HIRA: variants seen among roughly 807,000 people sequenced by gnomAD.
HIRA encodes the protein protein HIRA.
Under a neutral mutation model 126.6 loss-of-function variants are expected in HIRA, and 13 were observed. The observed-to-expected ratio is 0.10, with a 90% CI of 0.07 to 0.16. The LOEUF (loss-of-function observed/expected upper bound fraction) is 0.16, where lower values mean the gene tolerates loss of function less well. Ranked by LOEUF, HIRA falls within the 10% of genes least tolerant of loss-of-function variation. The pLI is 1.00. For synonymous variants in HIRA, 511 were observed against 520.0 expected (o/e 0.98, Z 0.24); for missense variants, 834 against 1,314.4 (o/e 0.63, Z 5.65).
intron 16 of HIRA, 50 bp downstream of exon 16, chr22:19,361,677 A>C: frequency 6.4e-7 from 1 of 1,571,956 alleles, no homozygotes; most frequent in African/African-American, 1.3e-5. Context: ...TTCAAGCTCT[A>C]AGTACAGAAA....
Position 19,431,687 on chromosome 22 carries a change from C to G in HIRA, c.-211G>C. On this transcript the variant is annotated 5_prime_UTR_variant, in exon 1 of 25. Coordinates refer to ENST00000263208, the MANE Select transcript of HIRA (RefSeq NM_003325.4). Reference sequence around the variant, plus strand: ...CGCTCGGCCGCCGCCGCCGCCACCACAGCCGCATCCCCTGCGCCGCTCCTC... The same window carrying G: ...CGCTCGGCCGCCGCCGCCGCCACCAGAGCCGCATCCCCTGCGCCGCTCCTC... 2.5e-6 allele frequency: 1 copy of G among 395,210 alleles called. No individual in the cohort carries two copies. Among genetic ancestry groups the G allele is most frequent in the East Asian group, 4.9e-5 (1 of 20,460 alleles). 24.5% of individuals were successfully genotyped at this position (395,210 alleles called of 1,614,324 possible). A position where few individuals can be genotyped will look rare whatever the true frequency, so the allele number is the denominator to read the frequency against.
intron 1 of HIRA, among the ~76,000 whole-genome samples, chr22:19,415,402 C>G (rs1012092949): frequency 4.6e-5 from 7 of 152,218 alleles, no homozygotes; most frequent in African/African-American, 1.7e-4. Context: ...TACACTGAAA[C>G]TATAAAATAT....
Position 19,361,748 on chromosome 22 carries a change from C to G in HIRA, c.1959G>C (p.Met653Ile). 2 of 1,612,566 alleles carry G rather than the reference C, an allele frequency of 1.2e-6. No individual in the cohort carries two copies. The stretch of plus-strand genomic sequence containing the variant: ...TCACCTGGACAGACAGAGACACAGG[C>G]ATGAGACGAGAGTCCTTCCGAGGCC... ...KGRPRKDSRL[M>I]PVSLSVQSPA... is the part of the protein sequence containing the mutation. The change falls in exon 16 of 25, where the codon ATG (methionine) becomes ATC (isoleucine). Residue 653 changes from methionine (M) to isoleucine (I), a missense_variant. Transcript: ENST00000263208.
In HIRA at chr22:19,351,006, C is replaced by T. The variant is rs906110194; in HGVS notation, c.2937+352G>A. 9.8e-5 allele frequency: 34 copies of T among 347,514 alleles called. No homozygotes were observed. In the Middle Eastern group the frequency reaches 4.5e-3, roughly 46 times the overall value. The allele number at this position is 347,514 out of a possible 1,614,324, so 21.5% of individuals were successfully genotyped here. ...ATCTAGTCTGAAAATATTTTGTTGA[C>T]CTAACTGCCTCCCTGTTTATGTGTG... On this transcript the variant is annotated intron_variant, in intron 24 of 24. Coordinates refer to ENST00000263208, the MANE Select transcript of HIRA (RefSeq NM_003325.4). This position sits in a 1 kb window ranked among gnomAD's most constrained non-coding sequence, Gnocchi z 4.8.
chr22:19,423,791 T>C (rs2089468277), intron 1 of HIRA, among the ~76,000 whole-genome samples: 1 of 152,176 alleles, frequency 6.6e-6, no homozygotes, highest in Admixed American at 6.5e-5. Context: ...CTAAATGGGT[T>C]TTCTTTTTGC....
At chr22:19,380,635 C>T (rs1037797479) in intron 13 of HIRA, among the ~76,000 whole-genome samples, 2 of 151,914 alleles carry the variant, frequency 1.3e-5, no homozygotes, top group African/African-American at 4.8e-5. Context: ...TTATTTGATA[C>T]AAAGTCTCAC....
At chr22:19,417,223 A>AAAGAT (rs1313190876) in intron 1 of HIRA, among the ~76,000 whole-genome samples, 1 of 151,164 alleles carries the variant, frequency 6.6e-6, no homozygotes, top group African/African-American at 2.5e-5. Flanking sequence ...AAAGAAAAGA[A>AAAGAT]AAGATACACA....
intron 15 of HIRA, among the ~76,000 whole-genome samples, chr22:19,369,124 C>T (rs895932622): frequency 5.9e-5 from 9 of 152,192 alleles, no homozygotes; most frequent in Non-Finnish European, 2.9e-5. Flanking sequence ...AAATGGGCTC[C>T]ATCCTAGGTT....
chr22:19,381,475 TAACTGAGTTTTAA>T (rs1160139780), intron 13 of HIRA, among the ~76,000 whole-genome samples: 9 of 152,374 alleles, frequency 5.9e-5, no homozygotes, highest in African/African-American at 2.2e-4. Context: ...TATTCCCATT[TAACTGAGTTTTAA>T]AACAACGTTG....
rs117465413 is a variant in HIRA, at chr22:19,419,902, T to A, written c.38-9124A>T. On this transcript the variant is annotated intron_variant, in intron 1 of 24. Coordinates refer to ENST00000263208, the MANE Select transcript of HIRA (RefSeq NM_003325.4). ...GCTGGTTCACAGCCATCTGCTGCTG[T>A]TATCTCTACCACTTTCGACCACAAA... Among the ~76,000 whole-genome samples the A allele has an allele frequency of 5.9e-5, 9 of 152,350 alleles. No homozygotes were observed. The East Asian group carries it at 1.7e-3, about 29-fold the overall frequency.
chr22:19,370,338 C>T (rs921935753), intron 15 of HIRA, among the ~76,000 whole-genome samples: 6 of 152,084 alleles, frequency 3.9e-5, no homozygotes, highest in African/African-American at 9.7e-5. Flanking sequence ...CTGCTTCCTG[C>T]GTTTAAGGAA....
At chr22:19,337,018 A>G (rs2088574170) in intron 24 of HIRA, among the ~76,000 whole-genome samples, 1 of 152,250 alleles carries the variant, frequency 6.6e-6, no homozygotes, top group South Asian at 2.1e-4. Flanking sequence ...CTAGCTCCTC[A>G]GCAATGGATC....
intron 24 of HIRA, among the ~76,000 whole-genome samples, chr22:19,334,514 C>T (rs1210693): frequency 0.87 from 129,562 of 148,896 alleles, 57,766 homozygotes; most frequent in Non-Finnish European, 0.96. Flanking sequence ...AGGCCAGGCG[C>T]GGTGGCTCAC....
intron 17 of HIRA, 61 bp downstream of exon 17, chr22:19,361,176 G>A (rs2088859859): frequency 1.6e-6 from 2 of 1,241,668 alleles, no homozygotes; most frequent in Admixed American, 3.4e-5. Flanking sequence ...TTTGTATGCA[G>A]TAGGGGACAG....
intron 12 of HIRA, among the ~76,000 whole-genome samples, chr22:19,385,104 C>G (rs1045508125): frequency 8.5e-5 from 13 of 152,140 alleles, no homozygotes; most frequent in South Asian, 2.1e-4. Context: ...TTTATACTCC[C>G]CAGGCAATAA....
chr22:19,411,191 A>G (rs553285466), intron 1 of HIRA, among the ~76,000 whole-genome samples: 1 of 152,350 alleles, frequency 6.6e-6, no homozygotes, highest in African/African-American at 2.4e-5. Flanking sequence ...ACCAAGGAGC[A>G]TTGCTTCGCT....
chr22:19,412,113 G>T (rs1337701901), intron 1 of HIRA, among the ~76,000 whole-genome samples: 1 of 152,242 alleles, frequency 6.6e-6, no homozygotes, highest in East Asian at 1.9e-4. Flanking sequence ...TGTTGCTCCA[G>T]TTCCAGGTGT....
chr22:19,423,420 C>T (rs1303032824), intron 1 of HIRA, among the ~76,000 whole-genome samples: 1 of 151,844 alleles, frequency 6.6e-6, no homozygotes, highest in African/African-American at 2.4e-5. Context: ...GCCTGGCATG[C>T]TGCTTGGTTC....
At chr22:19,353,555 C>G in intron 22 of HIRA, 36 bp from the exon 23 acceptor site, 1 of 1,560,738 alleles carries the variant, frequency 6.4e-7, no homozygotes, top group Non-Finnish European at 8.6e-7. Flanking sequence ...GATGGGGCAG[C>G]AGGCACTACA....
Sources: allele counts gnomAD v4.1 joint callset (sites outside exome capture counted in the v4.1 genomes callset), GRCh38; gene constraint gnomAD v4.1.1; non-coding constraint Gnocchi (gnomAD v3.1); transcripts MANE v1.5; gene names NCBI Gene and HGNC (gene_info 2026-07-23, HGNC 2026-07-21).